The following SLCO2A1 variants were observed in gnomAD, a reference collection of about 807,000 sequenced individuals.
SLCO2A1 encodes matrin F/G 1.
A neutral mutation model predicts 71.7 loss-of-function variants in SLCO2A1; 60 were observed. That is an observed-to-expected ratio of 0.84 (90% CI 0.68 to 1.04). The LOEUF (loss-of-function observed/expected upper bound fraction) is 1.04. SLCO2A1 is among the 50% of genes least tolerant of loss of function. The pLI, the probability that SLCO2A1 is intolerant of heterozygous loss-of-function variation, is 0.00. For synonymous variants in SLCO2A1, 308 were observed against 326.7 expected (o/e 0.94, Z 0.62); for missense variants, 745 against 813.4 (o/e 0.92, Z 1.02).
chr3:133,974,658 C>A (rs1934407363), intron 2 of SLCO2A1, among the ~76,000 whole-genome samples: 1 of 152,192 alleles, frequency 6.6e-6, no homozygotes, highest in Admixed American at 6.5e-5. Flanking sequence ...GCTCTCTGAG[C>A]CCCACCCAGA....
chr3:133,945,056 G>T (rs779444766), intron 10 of SLCO2A1, 39 bp downstream of exon 10: 1 of 1,583,550 alleles, frequency 6.3e-7, no homozygotes, highest in South Asian at 1.2e-5. Context: ...CCGAGATCCT[G>T]TGGGGCTCCT....
chr3:134,016,292 A>G (rs1210027233), intron 1 of SLCO2A1, among the ~76,000 whole-genome samples: 1 of 152,186 alleles, frequency 6.6e-6, no homozygotes, highest in Non-Finnish European at 1.5e-5. Flanking sequence ...ACCCCACAAG[A>G]GACTTGTGCC....
intron 1 of SLCO2A1, among the ~76,000 whole-genome samples, chr3:134,013,691 T>C (rs1323496106): frequency 6.6e-6 from 1 of 152,230 alleles, no homozygotes; most frequent in Non-Finnish European, 1.5e-5. Flanking sequence ...TGGGAGTCCA[T>C]ATCTGGGAGA....
intron 9 of SLCO2A1, 108 bp downstream of exon 9, chr3:133,947,148 G>T: frequency 6.8e-6 from 6 of 886,624 alleles, no homozygotes; most frequent in Non-Finnish European, 8.3e-6. Flanking sequence ...AAAAAAAAAA[G>T]TGTACAGCAA....
intron 11 of SLCO2A1, among the ~76,000 whole-genome samples, chr3:133,940,726 A>G (rs1416479440): frequency 6.6e-6 from 1 of 152,154 alleles, no homozygotes; most frequent in Non-Finnish European, 1.5e-5. Context: ...GCGGTAGAGA[A>G]GGGGGTGACA....
chr3:134,029,478 ACACACACACACTCGCACG>A (rs1254300552), intron 1 of SLCO2A1, among the ~76,000 whole-genome samples: 28 of 150,226 alleles, frequency 1.9e-4, no homozygotes, highest in African/African-American at 6.9e-4. Flanking sequence ...GTGTGAACAC[ACACACACACACTCGCACG>A]CACACACACA....
At chr3:133,979,656 G>A (rs1446343467) in intron 1 of SLCO2A1, 38 bp from the exon 2 acceptor site, 7 of 1,563,936 alleles carry the variant, frequency 4.5e-6, no homozygotes, top group South Asian at 3.7e-5. Context: ...GTTTCTGGAC[G>A]ACAAGCCCTG....
intron 1 of SLCO2A1, among the ~76,000 whole-genome samples, chr3:134,009,775 T>C (rs1559956731): frequency 6.6e-6 from 1 of 152,214 alleles, no homozygotes; most frequent in Admixed American, 6.5e-5. Flanking sequence ...GCAGTTCTGG[T>C]GTGTCCATTG....
chr3:134,002,745 C>T (rs548417530), intron 1 of SLCO2A1, among the ~76,000 whole-genome samples: 44 of 152,338 alleles, frequency 2.9e-4, no homozygotes, highest in African/African-American at 9.6e-4. Context: ...GATAACACTG[C>T]TACTCCAGGC....
intron 3 of SLCO2A1, among the ~76,000 whole-genome samples, chr3:133,972,923 A>G (rs868535048): frequency 2.6e-5 from 4 of 152,244 alleles, no homozygotes; most frequent in African/African-American, 9.6e-5. Flanking sequence ...GAAGCAATCA[A>G]TGGTGAACAA....
chr3:133,947,133 C>CAAAAA, intron 9 of SLCO2A1, 123 bp downstream of exon 9: 1 of 666,678 alleles, frequency 1.5e-6, no homozygotes, highest in Non-Finnish European at 2.2e-6. Context: ...GACTCTGTCT[C>CAAAAA]AAAAAAAAAA....
intron 5 of SLCO2A1, among the ~76,000 whole-genome samples, chr3:133,951,819 A>G (rs3924031): frequency 0.29 from 44,566 of 152,074 alleles, 7,835 homozygotes; most frequent in Middle Eastern, 0.46. Context: ...TCATTGGTCA[A>G]TTTCAAGCCT....
intron 5 of SLCO2A1, 51 bp downstream of exon 5, chr3:133,953,612 G>T: frequency 7.0e-7 from 1 of 1,429,880 alleles, no homozygotes; most frequent in Non-Finnish European, 9.9e-7. Flanking sequence ...GGGGCTGGGG[G>T]CTGCTTTATT....
intron 3 of SLCO2A1, among the ~76,000 whole-genome samples, chr3:133,963,848 A>G (rs1934102453): frequency 6.7e-6 from 1 of 150,178 alleles, no homozygotes; most frequent in Admixed American, 6.6e-5. Flanking sequence ...AAATTCAGCT[A>G]CTCTACAGTT....
chr3:134,025,504 C>T (rs1935685107), intron 1 of SLCO2A1, among the ~76,000 whole-genome samples: 1 of 152,052 alleles, frequency 6.6e-6, no homozygotes, highest in Admixed American at 6.5e-5. Flanking sequence ...AATTTGATGC[C>T]TGTGCTGTCA....
At chr3:133,983,810 G>A (rs1934647641) in intron 1 of SLCO2A1, among the ~76,000 whole-genome samples, 1 of 152,254 alleles carries the variant, frequency 6.6e-6, no homozygotes, top group South Asian at 2.1e-4. Context: ...AATGAGGGCT[G>A]TCATACAGCT....
chr3:134,005,173 G>C (rs1412286533), intron 1 of SLCO2A1, among the ~76,000 whole-genome samples: 8 of 152,182 alleles, frequency 5.3e-5, no homozygotes, highest in Admixed American at 5.2e-4. Context: ...AAGATTCCTT[G>C]TGCATTCTGT....
At chr3:133,953,939 A>G (rs1933818447) in intron 4 of SLCO2A1, among the ~76,000 whole-genome samples, 178 bp from the exon 5 acceptor site, 1 of 152,122 alleles carries the variant, frequency 6.6e-6, no homozygotes, top group African/African-American at 2.4e-5. Context: ...TCCAAGACAT[A>G]TAGAACCAAG....
intron 3 of SLCO2A1, 132 bp from the exon 4 acceptor site, chr3:133,955,325 G>A: frequency 1.5e-6 from 1 of 672,196 alleles, no homozygotes; most frequent in Non-Finnish European, 2.5e-6. Flanking sequence ...CTAGCAAATG[G>A]GACATGGTTC....
Sources: gnomAD v4.1 joint callset for allele counts (sites outside exome capture counted in the v4.1 genomes callset) on GRCh38, gnomAD v4.1.1 for gene constraint, MANE v1.5 for transcripts, NCBI Gene and HGNC (gene_info 2026-07-23, HGNC 2026-07-21) for gene names.